NDE1: variants seen among roughly 807,000 people sequenced by gnomAD.
The protein encoded by NDE1 is nuclear distribution protein nudE homolog 1.
In NDE1, 28 loss-of-function variants were observed where a neutral mutation model predicts 43.4. The ratio of observed to expected loss-of-function variants is 0.65; its 90% CI spans 0.48 to 0.89. NDE1 has a LOEUF of 0.89. Among genes scored for constraint, NDE1 ranks in the 40% least tolerant of loss-of-function variants. NDE1 has a pLI of 0.00. For synonymous variants in NDE1, 184 were observed against 172.0 expected (o/e 1.07, Z -0.55); for missense variants, 441 against 434.1 (o/e 1.02, Z -0.14).
intron 6 of NDE1, among the ~76,000 whole-genome samples, chr16:15,693,742 C>A (rs776535633): frequency 6.6e-6 from 1 of 152,102 alleles, no homozygotes; most frequent in African/African-American, 2.4e-5. Flanking sequence ...GAGTTCGAGA[C>A]CAGCCTGGAC....
intron 1 of NDE1, among the ~76,000 whole-genome samples, chr16:15,663,342 T>G (rs1481014498): frequency 6.6e-6 from 1 of 151,602 alleles, no homozygotes; most frequent in Non-Finnish European, 1.5e-5. Context: ...CAGGTTCAAG[T>G]GATTCTACCG....
At chr16:15,679,835 G>T (rs1418968242) in intron 4 of NDE1, among the ~76,000 whole-genome samples, 2 of 152,186 alleles carry the variant, frequency 1.3e-5, no homozygotes, top group African/African-American at 4.8e-5. Context: ...CTGGAGTGCA[G>T]TGGTGCGATC....
At position 15,690,297 on chromosome 16, in the gene NDE1, C is replaced by T. The variant is rs867820939; in HGVS notation, c.524-847C>T. ...AAGCAATCCTCCCATCTCGACCTCT[C>T]AGAGTGCTGGGATTATAGGCTTGAG... On this transcript the variant is annotated intron_variant, in intron 5 of 8. Transcript: ENST00000396354. Among the ~76,000 whole-genome samples the T allele has an allele frequency of 2.0e-4, 29 of 144,678 alleles. 1 individual carries two copies. In the South Asian group the frequency reaches 5.2e-3, roughly 26 times the overall value. 94.9% of individuals were successfully genotyped at this position (144,678 alleles called of 152,430 possible). A position where few individuals can be genotyped will look rare whatever the true frequency, so the allele number is the denominator to read the frequency against.
At chr16:15,673,723 A>T (rs2037719335) in intron 3 of NDE1, among the ~76,000 whole-genome samples, 2 of 151,872 alleles carry the variant, frequency 1.3e-5, no homozygotes, top group African/African-American at 4.8e-5. Flanking sequence ...GTAGAGATGG[A>T]GTCTTCCTAT....
intron 8 of NDE1, among the ~76,000 whole-genome samples, chr16:15,721,909 G>A (rs1443402830): frequency 6.6e-6 from 1 of 152,166 alleles, no homozygotes; most frequent in Non-Finnish European, 1.5e-5. Context: ...CCAGGCTGGA[G>A]TGCAATGGTG....
At chr16:15,685,208 G>A (rs1216359288) in intron 4 of NDE1, among the ~76,000 whole-genome samples, 1 of 152,040 alleles carries the variant, frequency 6.6e-6, no homozygotes, top group Non-Finnish European at 1.5e-5. Flanking sequence ...ACTGTTTCTG[G>A]TATTGTACTC....
intron 4 of NDE1, among the ~76,000 whole-genome samples, chr16:15,680,647 C>G (rs951044250): frequency 1.3e-5 from 2 of 152,146 alleles, no homozygotes; most frequent in Non-Finnish European, 2.9e-5. Context: ...TCAAGTGATT[C>G]TCCTGCCTCA....
At position 15,667,294 on chromosome 16, in the gene NDE1, A is replaced by G; in HGVS notation, c.92A>G (p.Asn31Ser). 6.2e-7 allele frequency: 1 copy of G among 1,614,174 alleles called. No homozygotes were observed. Among genetic ancestry groups the G allele is most frequent in the Non-Finnish European group, 8.5e-7 (1 of 1,180,032 alleles). Residue 31 changes from asparagine (N) to serine (S), a missense_variant, in exon 3 of 9, where the codon AAT becomes AGT. By Grantham distance (46) the Asn-to-Ser change is conservative. Transcript: ENST00000396354. ...LAMTYKQRAE[N>S]TQEELREFQE... ...TAACAATTTTGCTGTAGGGCAGAAA[A>G]TACGCAAGAGGAACTCCGAGAATTC...
chr16:15,679,285 T>G (rs1172530872), intron 4 of NDE1, among the ~76,000 whole-genome samples: 2 of 152,088 alleles, frequency 1.3e-5, no homozygotes, highest in African/African-American at 2.4e-5. Flanking sequence ...CATGAGCCAC[T>G]GCACCCGGCC....
At chr16:15,665,855 C>G (rs1805165654) in intron 2 of NDE1, among the ~76,000 whole-genome samples, 1 of 151,482 alleles carries the variant, frequency 6.6e-6, no homozygotes, top group Non-Finnish European at 1.5e-5. Context: ...CTCCTGGGTT[C>G]AATCGATTCT....
chr16:15,716,530 GTGTA>G (rs1394169182), intron 8 of NDE1, among the ~76,000 whole-genome samples: 1 of 148,884 alleles, frequency 6.7e-6, no homozygotes, highest in Non-Finnish European at 1.5e-5. Context: ...TTTTGTGTGT[GTGTA>G]TGTGTGTGGA....
intron 8 of NDE1, among the ~76,000 whole-genome samples, chr16:15,721,938 A>G (rs2040509075): frequency 6.6e-6 from 1 of 151,816 alleles, no homozygotes; most frequent in Non-Finnish European, 1.5e-5. Context: ...GTTCACTGCA[A>G]CCTCCGCCTC....
rs148691719 is a variant in NDE1 at position 15,717,132 on chromosome 16, C to G, written c.948-7059C>G. ...GCAAACTGGGTTCGGAACTCCACAC[C>G]CGCATACCTGGCCTCCTGCTCGACC... is the stretch of plus-strand genomic sequence containing the variant. On this transcript the variant is annotated intron_variant, in intron 8 of 8. Transcript: ENST00000396354. The G allele has an allele frequency of 9.2e-4, 1,486 of 1,614,162 alleles. 13 individuals are homozygous for G. The African/African-American group carries it at 0.016, about 18-fold the overall frequency.
Position 15,724,302 on chromosome 16 carries a change from G to C in NDE1, c.*51G>C. 6.2e-7 allele frequency: 1 copy of C among 1,614,130 alleles called. No individual in the cohort carries two copies. The highest frequency in any genetic ancestry group is 8.5e-7 in the Non-Finnish European group (1 of 1,180,020). On this transcript the variant is annotated 3_prime_UTR_variant, in exon 9 of 9. Coordinates refer to ENST00000396354, the MANE Select transcript of NDE1 (RefSeq NM_017668.3). ...TATCATAAGCGGCCGCCTTCTCCTC[G>C]TACTGCTGGGTGAGGTTCTCGATCT... is the stretch of plus-strand genomic sequence containing the variant.
intron 3 of NDE1, among the ~76,000 whole-genome samples, chr16:15,672,303 C>T (rs571004661): frequency 2.0e-5 from 3 of 152,102 alleles, no homozygotes; most frequent in Non-Finnish European, 2.9e-5. Context: ...CATGGTGGCG[C>T]ACACCTGTAG....
At chr16:15,702,597 C>T (rs1353181352) in intron 8 of NDE1, among the ~76,000 whole-genome samples, 3 of 149,820 alleles carry the variant, frequency 2.0e-5, no homozygotes, top group East Asian at 1.9e-4. Context: ...TTTATAGAGA[C>T]GGGGGTCTCT....
At chr16:15,659,412 C>A (rs1163877006) in intron 1 of NDE1, among the ~76,000 whole-genome samples, 2 of 148,214 alleles carry the variant, frequency 1.3e-5, no homozygotes, top group African/African-American at 5.0e-5. Context: ...AAGGAAGGGA[C>A]CTTGCACACA....
intron 8 of NDE1, chr16:15,710,982 G>C (rs2039758749): frequency 6.6e-6 from 1 of 152,392 alleles, no homozygotes; most frequent in Admixed American, 6.6e-5. Context: ...TTTGCCCCAG[G>C]AGTCTTCACA....
rs1044170724 is a variant in NDE1 at position 15,679,041 on chromosome 16, C to G, written c.386+1092C>G. On this transcript the variant is annotated intron_variant, in intron 4 of 8. Coordinates refer to ENST00000396354, the MANE Select transcript of NDE1 (RefSeq NM_017668.3). ...GTAGTGAGCCGAGATTGCGCCACTG[C>G]ACTCCAGCCTGGGTGACAGAGCTAG... is the stretch of plus-strand genomic sequence containing the variant. Among the ~76,000 whole-genome samples the G allele has an allele frequency of 1.8e-4, 28 of 152,244 alleles. No individual in the cohort carries two copies. The Middle Eastern group carries it at 0.02, about 111-fold the overall frequency.
Sources: gnomAD v4.1 joint callset for allele counts (sites outside exome capture counted in the v4.1 genomes callset) on GRCh38, gnomAD v4.1.1 for gene constraint, MANE v1.5 for transcripts, NCBI Gene and HGNC (gene_info 2026-07-23, HGNC 2026-07-21) for gene names.